Variants in BCAS1 observed in about 807,000 individuals in gnomAD.
BCAS1 encodes breast carcinoma-amplified sequence 1.
In BCAS1, 46 loss-of-function variants were observed where a neutral mutation model predicts 65.4. That is an observed-to-expected ratio of 0.70 (90% confidence interval 0.55 to 0.90). BCAS1 has a LOEUF of 0.90. Ranked by LOEUF, BCAS1 falls within the 40% of genes least tolerant of loss-of-function variation. BCAS1 has a pLI of 0.00. For synonymous variants in BCAS1, 298 were observed against 293.5 expected (o/e 1.02, Z -0.16); for missense variants, 793 against 771.2 (o/e 1.03, Z -0.33).
intron 7 of BCAS1, among the ~76,000 whole-genome samples, chr20:53,986,945 T>C (rs1195643933): frequency 6.6e-6 from 1 of 152,182 alleles, no homozygotes; most frequent in Non-Finnish European, 1.5e-5. Context: ...TTTTTGATCC[T>C]GGAAAGAGTC....
At chr20:54,012,427 C>G (rs1288937948) in intron 4 of BCAS1, among the ~76,000 whole-genome samples, 4 of 144,356 alleles carry the variant, frequency 2.8e-5, no homozygotes, top group African/African-American at 5.2e-5. Flanking sequence ...GTATTTCTTA[C>G]AGCTGCATGT....
intron 1 of BCAS1, among the ~76,000 whole-genome samples, chr20:54,063,234 G>C (rs1291061365): frequency 1.3e-5 from 2 of 152,160 alleles, no homozygotes; most frequent in Non-Finnish European, 2.9e-5. Flanking sequence ...GAATCCCTGA[G>C]CATCACTGAG....
intron 11 of BCAS1, among the ~76,000 whole-genome samples, chr20:53,954,335 G>GAGAGAGAGAGAGAGAGAGAGAGAGAGA (rs1555840854): frequency 7.2e-6 from 1 of 138,540 alleles, no homozygotes; most frequent in African/African-American, 2.7e-5. Context: ...GAGAGAGAGA[G>GAGAGAGAGAGAGAGAGAGAGAGAGAGA]GGACCAGGCA....
chr20:53,972,875 G>C (rs2090217480), intron 9 of BCAS1, among the ~76,000 whole-genome samples: 1 of 152,206 alleles, frequency 6.6e-6, no homozygotes, highest in Non-Finnish European at 1.5e-5. Flanking sequence ...GCCTGAAGAT[G>C]ATGGGATCAA....
At chr20:53,946,477 A>G (rs2089320914) in intron 12 of BCAS1, among the ~76,000 whole-genome samples, 1 of 145,158 alleles carries the variant, frequency 6.9e-6, no homozygotes, top group Admixed American at 6.9e-5. Flanking sequence ...ATAGGGTAGT[A>G]CAGTATAAGA....
At chr20:53,948,269 G>T (rs970146882) in intron 12 of BCAS1, among the ~76,000 whole-genome samples, 6 of 152,120 alleles carry the variant, frequency 3.9e-5, no homozygotes, top group African/African-American at 9.7e-5. Flanking sequence ...GGGCTTGATG[G>T]ACTAAACAGC....
At chr20:54,054,708 G>A (rs1484275173) in intron 3 of BCAS1, among the ~76,000 whole-genome samples, 3 of 152,204 alleles carry the variant, frequency 2.0e-5, no homozygotes, top group Non-Finnish European at 4.4e-5. Flanking sequence ...ACTGCCAGGT[G>A]TGAGGGCGAG....
At chr20:54,063,051 C>T (rs2092394871) in intron 1 of BCAS1, among the ~76,000 whole-genome samples, 1 of 152,198 alleles carries the variant, frequency 6.6e-6, no homozygotes, top group Non-Finnish European at 1.5e-5. Context: ...GCCTTCTGTT[C>T]ACAGTTGGCA....
intron 7 of BCAS1, among the ~76,000 whole-genome samples, chr20:53,986,592 T>C (rs1051993917): frequency 6.6e-6 from 1 of 152,086 alleles, no homozygotes; most frequent in Non-Finnish European, 1.5e-5. Flanking sequence ...AGAAAAAATA[T>C]ATTGCAATAA....
intron 8 of BCAS1, among the ~76,000 whole-genome samples, chr20:53,977,359 C>T (rs965996187): frequency 6.6e-6 from 1 of 152,178 alleles, no homozygotes; most frequent in Non-Finnish European, 1.5e-5. Flanking sequence ...ACCATGAACA[C>T]GTAATGAACC....
intron 3 of BCAS1, among the ~76,000 whole-genome samples, chr20:54,055,764 T>C (rs2092288344): frequency 1.3e-5 from 2 of 152,066 alleles, no homozygotes; most frequent in African/African-American, 2.4e-5. Flanking sequence ...TGTCCATCAG[T>C]GGATGAATGG....
At chr20:54,067,899 G>A (rs3787547) in intron 1 of BCAS1, among the ~76,000 whole-genome samples, 54,680 of 152,158 alleles carry the variant, frequency 0.36, 10,679 homozygotes, top group Middle Eastern at 0.51. Context: ...ACGCCAACAT[G>A]GCCAGGCTGG....
At chr20:54,014,894 A>G (rs1449995157) in intron 4 of BCAS1, among the ~76,000 whole-genome samples, 4 of 152,146 alleles carry the variant, frequency 2.6e-5, no homozygotes, top group African/African-American at 9.7e-5. Context: ...TGTCAGATTC[A>G]GGAAGAAAAA....
intron 3 of BCAS1, among the ~76,000 whole-genome samples, chr20:54,046,279 C>T (rs571022175): frequency 3.3e-5 from 5 of 151,504 alleles, no homozygotes; most frequent in African/African-American, 1.2e-4. Flanking sequence ...CCTGTAATCC[C>T]AGCACTTTGG....
At chr20:54,040,554 T>C (rs1012698657) in intron 3 of BCAS1, among the ~76,000 whole-genome samples, 1 of 151,184 alleles carries the variant, frequency 6.6e-6, no homozygotes, top group East Asian at 1.9e-4. Flanking sequence ...AGTGTTTTCT[T>C]TGGAGCAGAT....
intron 1 of BCAS1, among the ~76,000 whole-genome samples, chr20:54,068,089 A>G (rs1396317241): frequency 6.6e-6 from 1 of 152,214 alleles, no homozygotes; most frequent in African/African-American, 2.4e-5. Flanking sequence ...TGCCTCCTGT[A>G]CAAGGGGACA....
intron 3 of BCAS1, among the ~76,000 whole-genome samples, chr20:54,041,665 T>G (rs2091995514): frequency 6.6e-6 from 1 of 151,752 alleles, no homozygotes; most frequent in Non-Finnish European, 1.5e-5. Flanking sequence ...GGGCAAATCA[T>G]GAGGTAAGGA....
Position 53,957,593 on chromosome 20 carries a change from T to C in BCAS1, c.1486-96A>G, listed in dbSNP as rs575394836. On this transcript the variant is annotated intron_variant, in intron 10 of 12. Coordinates refer to ENST00000688948, the MANE Select transcript of BCAS1 (RefSeq NM_001366298.2). ...AATGGATGATCTCAGTCATTTATCA[T>C]TGAGGTTTGGGGTCAAGACAAATGG... 166 of 1,208,946 alleles carry C rather than the reference T, an allele frequency of 1.4e-4. 1 individual carries two copies. In the South Asian group the frequency reaches 1.9e-3, roughly 14 times the overall value. The allele number at this position is 1,208,946 out of a possible 1,614,324, so 74.9% of individuals were successfully genotyped here.
At chr20:54,041,909 C>CCAA (rs1555878246) in intron 3 of BCAS1, among the ~76,000 whole-genome samples, 3 of 79,786 alleles carry the variant, frequency 3.8e-5, no homozygotes, top group African/African-American at 1.6e-4. Flanking sequence ...CTGTCTCCCC[C>CCAA]AAAAAAAAAA....
Sources: allele counts gnomAD v4.1 joint callset (sites outside exome capture counted in the v4.1 genomes callset), GRCh38; gene constraint gnomAD v4.1.1; transcripts MANE v1.5; gene names NCBI Gene and HGNC (gene_info 2026-07-23, HGNC 2026-07-21).